The following GGTA1 variants were observed in gnomAD, a reference collection of about 807,000 sequenced individuals.
GGTA1 encodes the protein inactive N-acetyllactosaminide alpha-1,3-galactosyltransferase.
Under a neutral mutation model 2.6 loss-of-function variants are expected in GGTA1, and 5 were observed. The ratio of observed to expected loss-of-function variants is 1.92; its 90% CI spans 1.00 to 4.04. The LOEUF is 4.04. GGTA1 is among the 30% of genes most tolerant of loss of function. The pLI is 0.00. For missense variants in GGTA1, 50 were observed against 16.7 expected (o/e 2.99, Z -3.47); for synonymous variants, 17 against 5.0 (o/e 3.38, Z -3.19).
intron 1 of GGTA1, among the ~76,000 whole-genome samples, chr9:121,475,761 CAGGTA>C (rs1192910037): frequency 1.3e-5 from 2 of 152,138 alleles, no homozygotes; most frequent in African/African-American, 2.4e-5. Flanking sequence ...AGAAGGAAAA[CAGGTA>C]AGGGAATGGG....
intron 5 of GGTA1, among the ~76,000 whole-genome samples, chr9:121,456,636 G>C (rs554720863): frequency 3.3e-5 from 5 of 151,918 alleles, no homozygotes; most frequent in African/African-American, 1.2e-4. Flanking sequence ...GGCTGGTCTC[G>C]AACTCCCGAC....
chr9:121,463,119 A>G (rs1056391), intron 3 of GGTA1, 174 bp downstream of exon 3: 1 of 397,456 alleles, frequency 2.5e-6, no homozygotes, highest in African/African-American at 2.1e-5. Context: ...TTCTATACAG[A>G]TAAGTCTACG....
exon 8 of GGTA1, chr9:121,445,710 G>A (rs2064849155): frequency 6.6e-6 from 1 of 152,152 alleles, no homozygotes; most frequent in African/African-American, 2.4e-5. Context: ...AAATCAATTA[G>A]CCATTTTGCC....
chr9:121,468,710 A>G (rs1828311176), intron 1 of GGTA1, among the ~76,000 whole-genome samples: 1 of 152,168 alleles, frequency 6.6e-6, no homozygotes, highest in African/African-American at 2.4e-5. Flanking sequence ...AATTGCATAG[A>G]CCTGCAGTGG....
At chr9:121,461,058 C>G (rs1280146047) in intron 4 of GGTA1, among the ~76,000 whole-genome samples, 194 bp downstream of exon 4, 1 of 152,170 alleles carries the variant, frequency 6.6e-6, no homozygotes, top group Non-Finnish European at 1.5e-5. Flanking sequence ...GCCTGAGTGA[C>G]AGTGAGACCC....
In GGTA1 at chr9:121,463,307, C is replaced by T. The variant is rs149225628; in HGVS notation, c.102G>A (p.Trp34Ter). The T allele has an allele frequency of 1.1e-5, 5 of 452,340 alleles. No individual in the cohort carries two copies. Among genetic ancestry groups the T allele is most frequent in the African/African-American group, 6.0e-5 (3 of 49,896 alleles). 28.0% of individuals were successfully genotyped at this position (452,340 alleles called of 1,614,324 possible). The change falls in exon 3 of 6, where the codon TGG becomes TGA. Residue 34 changes from tryptophan (W) to a stop codon, truncating the protein, a stop_gained. Transcript: ENST00000481799. LOFTEE classifies it high-confidence loss of function. ...FINSTEGSFL[W>*]IYHSKNPEVD... is the part of the protein sequence containing the mutation. ...AAAGCACTTACTTTGAGTGATATAT[C>T]CACAAGAAAGAGCCTTCTGTGCTAA... is the stretch of plus-strand genomic sequence containing the variant.
chr9:121,484,526 C>T (rs541493315), intron 1 of GGTA1, among the ~76,000 whole-genome samples: 13 of 152,288 alleles, frequency 8.5e-5, no homozygotes, highest in Non-Finnish European at 1.8e-4. Flanking sequence ...TCAGGTGATC[C>T]ACCTGCCTCA....
In GGTA1 at chr9:121,476,975, G is replaced by A. The variant is rs1364043566; in HGVS notation, c.-9-9044C>T. ...AAACAACCGGTCCCAGGTGGACCTT[G>A]TTGAGCACCTGGGCCCCTCCTCCTT... On this transcript the variant is annotated intron_variant, in intron 1 of 5. Coordinates refer to ENST00000481799, the MANE Select transcript of GGTA1 (RefSeq NM_001382585.1). The surrounding 1 kb of genome is among the most constrained non-coding windows in gnomAD (Gnocchi z 4.6). 6.6e-6 allele frequency among the ~76,000 whole-genome samples: 1 copy of A among 152,196 alleles called. No individual in the cohort carries two copies. The highest frequency in any genetic ancestry group is 1.5e-5 in the Non-Finnish European group (1 of 68,036).
intron 2 of GGTA1, 53 bp downstream of exon 2, chr9:121,467,790 T>C (rs528582624): frequency 2.2e-6 from 1 of 446,418 alleles, no homozygotes; most frequent in Non-Finnish European, 4.5e-6. Context: ...ACTAGTAGGA[T>C]AGAATCAAAG....
intron 2 of GGTA1, among the ~76,000 whole-genome samples, chr9:121,466,111 G>A (rs896488791): frequency 1.3e-5 from 2 of 152,054 alleles, no homozygotes; most frequent in Admixed American, 6.6e-5. Flanking sequence ...GTAGAGACAG[G>A]GTCTTGCGAT....
rs1434705138 is a variant in GGTA1 at position 121,460,230 on chromosome 9, A to C, written c.183-11T>G. The C allele has an allele frequency of 2.2e-6, 1 of 457,112 alleles. No individual in the cohort carries two copies. Among genetic ancestry groups the C allele is most frequent in the Non-Finnish European group, 4.4e-6 (1 of 227,096 alleles). 28.3% of individuals were successfully genotyped at this position (457,112 alleles called of 1,614,324 possible). On this transcript the variant is annotated splice_polypyrimidine_tract_variant and intron_variant, in intron 4 of 5. Coordinates refer to ENST00000481799, the MANE Select transcript of GGTA1 (RefSeq NM_001382585.1). Reference sequence around the variant, plus strand: ...TGATAATTGTGGATCCTAAGTACAAAGGGAAAGTAAACCAGGTAAGGCAGG... The same window carrying C: ...TGATAATTGTGGATCCTAAGTACAACGGGAAAGTAAACCAGGTAAGGCAGG...
intron 1 of GGTA1, among the ~76,000 whole-genome samples, chr9:121,471,136 T>TG (rs1828380228): frequency 6.6e-6 from 1 of 152,198 alleles, no homozygotes; most frequent in African/African-American, 2.4e-5. Context: ...AAACCAAGAC[T>TG]GTGGACCTCT....
intron 1 of GGTA1, among the ~76,000 whole-genome samples, chr9:121,495,481 A>C (rs1157622090): frequency 6.6e-6 from 1 of 152,162 alleles, no homozygotes; most frequent in Non-Finnish European, 1.5e-5. Flanking sequence ...CGGGAGGCGG[A>C]GGTTGCAGTG....
rs574016769 is a variant in GGTA1, at chr9:121,485,922, C to T, written c.-10+13728G>A. ...CTCACCCATTCTAAGATTATATAAT[C>T]TCAAAACAACAACACCACCACCACC... On this transcript the variant is annotated intron_variant, in intron 1 of 5. Transcript: ENST00000481799. 3.0e-4 allele frequency among the ~76,000 whole-genome samples: 45 copies of T among 152,298 alleles called. 2 individuals are homozygous for T. The South Asian group carries it at 9.3e-3, about 32-fold the overall frequency.
intron 1 of GGTA1, among the ~76,000 whole-genome samples, chr9:121,480,762 A>T (rs1464445137): frequency 2.0e-5 from 3 of 152,136 alleles, no homozygotes; most frequent in Non-Finnish European, 4.4e-5. Context: ...CTAACTATTT[A>T]AGCCAAACAG....
chr9:121,461,588 G>A (rs2064961268), intron 3 of GGTA1, among the ~76,000 whole-genome samples: 1 of 152,036 alleles, frequency 6.6e-6, no homozygotes, highest in Admixed American at 6.6e-5. Context: ...GCTGGAGTGG[G>A]GGTGGTATTA....
At chr9:121,469,864 G>A (rs1308106535) in intron 1 of GGTA1, among the ~76,000 whole-genome samples, 1 of 152,130 alleles carries the variant, frequency 6.6e-6, no homozygotes, top group Non-Finnish European at 1.5e-5. Flanking sequence ...GCCAGGTACG[G>A]GACAACTAGG....
intron 7 of GGTA1, among the ~76,000 whole-genome samples, chr9:121,448,173 C>T (rs1007627983): frequency 7.2e-5 from 11 of 152,200 alleles, no homozygotes; most frequent in African/African-American, 2.4e-4. Flanking sequence ...GCCTTCCTTA[C>T]CCCTTTGTCC....
At chr9:121,497,019 C>G (rs780940792) in intron 1 of GGTA1, among the ~76,000 whole-genome samples, 6 of 151,830 alleles carry the variant, frequency 4.0e-5, no homozygotes, top group Non-Finnish European at 1.5e-5. Flanking sequence ...AGGGTGAAAC[C>G]CTGTCTCTAC....
Sources: allele counts gnomAD v4.1 joint callset (sites outside exome capture counted in the v4.1 genomes callset), GRCh38; gene constraint gnomAD v4.1.1; non-coding constraint Gnocchi (gnomAD v3.1); transcripts MANE v1.5; gene names NCBI Gene and HGNC (gene_info 2026-07-23, HGNC 2026-07-21).